FOCAD: variants seen among roughly 807,000 people sequenced by gnomAD.
The protein encoded by FOCAD is focadhesin.
Under a neutral mutation model 225.6 loss-of-function variants are expected in FOCAD, and 198 were observed. The ratio of observed to expected loss-of-function variants is 0.88; its 90% CI spans 0.78 to 0.99. The LOEUF (loss-of-function observed/expected upper bound fraction) is 0.99. Among genes scored for constraint, FOCAD ranks in the 50% least tolerant of loss-of-function variants. The pLI, the probability that FOCAD is intolerant of heterozygous loss-of-function variation, is 0.00. For synonymous variants in FOCAD, 897 were observed against 755.0 expected (o/e 1.19, Z -3.08); for missense variants, 2,713 against 2,123.6 (o/e 1.28, Z -5.46).
Position 20,765,607 on chromosome 9 carries a change from A to G in FOCAD, c.699+534A>G, listed in dbSNP as rs75744282. Among the ~76,000 whole-genome samples the G allele has an allele frequency of 1.0e-3, 155 of 152,322 alleles. 5 individuals are homozygous for G. The East Asian group carries it at 0.018, about 17-fold the overall frequency. On this transcript the variant is annotated intron_variant, in intron 7 of 43. Transcript: ENST00000338382. ...ACACATGTAGTAAATGAGTTAGGAC[A>G]AGTACTGTACATATATTCTTACAAT...
intron 24 of FOCAD, among the ~76,000 whole-genome samples, chr9:20,922,909 G>T (rs73648447): frequency 6.6e-6 from 1 of 152,068 alleles, no homozygotes; most frequent in African/African-American, 2.4e-5. Flanking sequence ...ACATTTTCAA[G>T]TGGTAAGTAT....
At chr9:20,784,765 A>G (rs1378975274) in intron 10 of FOCAD, among the ~76,000 whole-genome samples, 1 of 152,218 alleles carries the variant, frequency 6.6e-6, no homozygotes, top group Non-Finnish European at 1.5e-5. Context: ...TATAGTAAGC[A>G]GAATATTTGT....
chr9:20,910,910 G>A (rs1488001004), intron 22 of FOCAD, among the ~76,000 whole-genome samples: 1 of 152,086 alleles, frequency 6.6e-6, no homozygotes, highest in Non-Finnish European at 1.5e-5. Flanking sequence ...CAATAGAATG[G>A]TCGTGCTGAT....
intron 11 of FOCAD, among the ~76,000 whole-genome samples, chr9:20,812,488 C>G (rs887225233): frequency 6.6e-6 from 1 of 151,860 alleles, no homozygotes; most frequent in African/African-American, 2.4e-5. Flanking sequence ...TGAAGTGTTG[C>G]CAACGTGTAT....
chr9:20,715,790 A>G (rs1460539083), intron 2 of FOCAD, among the ~76,000 whole-genome samples: 2 of 152,148 alleles, frequency 1.3e-5, no homozygotes, highest in East Asian at 1.9e-4. Context: ...CCTACCCCTT[A>G]TATAGATTTT....
intron 11 of FOCAD, among the ~76,000 whole-genome samples, chr9:20,816,803 A>T (rs1220462145): frequency 6.6e-6 from 1 of 152,180 alleles, no homozygotes; most frequent in Non-Finnish European, 1.5e-5. Context: ...AAATAAAAAT[A>T]AGAATTTAGC....
At chr9:20,943,638 GGTAGAT>G (rs1232924855) in intron 28 of FOCAD, among the ~76,000 whole-genome samples, 3 of 152,164 alleles carry the variant, frequency 2.0e-5, no homozygotes, top group Middle Eastern at 3.4e-3. Context: ...TGACCAAGGG[GGTAGAT>G]GCTGTTTAAG....
At chr9:20,908,375 A>G (rs4288451) in intron 22 of FOCAD, among the ~76,000 whole-genome samples, 55,450 of 151,756 alleles carry the variant, frequency 0.37, 10,587 homozygotes, top group East Asian at 0.46. Context: ...ATCTCAAATT[A>G]AAACCTTTTT....
chr9:20,789,847 C>T (rs1303854094), intron 11 of FOCAD, among the ~76,000 whole-genome samples: 2 of 151,906 alleles, frequency 1.3e-5, no homozygotes, highest in East Asian at 3.9e-4. Context: ...GAAATCTGCA[C>T]ATGGTGCTAT....
chr9:20,919,116 T>C (rs1834140261), intron 24 of FOCAD, among the ~76,000 whole-genome samples: 1 of 152,094 alleles, frequency 6.6e-6, no homozygotes, highest in African/African-American at 2.4e-5. Context: ...TTCAGCAAAG[T>C]CTCAGGATAC....
intron 22 of FOCAD, among the ~76,000 whole-genome samples, chr9:20,910,236 G>A (rs777582361): frequency 3.9e-5 from 6 of 152,054 alleles, no homozygotes; most frequent in Non-Finnish European, 7.4e-5. Context: ...GTTAGGAGCC[G>A]TCTGCAGTCT....
intron 22 of FOCAD, among the ~76,000 whole-genome samples, chr9:20,909,076 A>G (rs1446766862): frequency 6.6e-6 from 1 of 152,100 alleles, no homozygotes; most frequent in African/African-American, 2.4e-5. Flanking sequence ...TTTAGCTCTT[A>G]GTGTAAGAAA....
Position 20,781,809 on chromosome 9 carries a change from A to C in FOCAD, c.1077A>C (p.Leu359=), listed in dbSNP as rs759470768. 4 of 1,614,092 alleles carry C rather than the reference A, an allele frequency of 2.5e-6. No homozygotes were observed. The South Asian group carries it at 4.4e-5, about 18-fold the overall frequency. ...TAGTGATGCCAATTCTGCAGATACT[A>C]TCTTCTACTGCCTTGGAAGACTGTA... ...LLLVMPILQI[L]SSTALEDCIS... is the part of the protein sequence containing the mutation. Residue 359 remains leucine (L), a synonymous_variant, in exon 10 of 44, where the codon CTA becomes CTC. Transcript: ENST00000338382.
At chr9:20,842,791 C>G (rs1450739723) in intron 15 of FOCAD, among the ~76,000 whole-genome samples, 2 of 151,842 alleles carry the variant, frequency 1.3e-5, no homozygotes, top group African/African-American at 4.8e-5. Context: ...GTGGTCTTCT[C>G]TACCATACAT....
intron 5 of FOCAD, among the ~76,000 whole-genome samples, chr9:20,751,700 A>G (rs1457810077): frequency 6.7e-6 from 1 of 148,946 alleles, no homozygotes; most frequent in Admixed American, 6.7e-5. Context: ...GTCAAATGGT[A>G]TTTCTAGTTC....
intron 5 of FOCAD, among the ~76,000 whole-genome samples, chr9:20,742,635 AAAG>A (rs1327584069): frequency 1.3e-5 from 2 of 152,220 alleles, no homozygotes; most frequent in East Asian, 1.9e-4. Context: ...ATGATGGTAA[AAAG>A]AAGTTTTCTA....
chr9:20,907,388 G>A (rs555283613), intron 22 of FOCAD, 146 bp downstream of exon 22: 11 of 709,990 alleles, frequency 1.5e-5, no homozygotes, highest in Non-Finnish European at 2.5e-5. Context: ...AAGAATGTGA[G>A]GCATATATAT....
chr9:20,734,526 CTTA>C (rs1826975943), intron 4 of FOCAD, among the ~76,000 whole-genome samples: 2 of 152,132 alleles, frequency 1.3e-5, no homozygotes, highest in African/African-American at 4.8e-5. Context: ...TGTTTGCAAC[CTTA>C]TTAACAGCTG....
chr9:20,913,103 T>A, intron 23 of FOCAD, 149 bp downstream of exon 23: 1 of 595,338 alleles, frequency 1.7e-6, no homozygotes, highest in Non-Finnish European at 3.0e-6. Context: ...ATAGGTGTAT[T>A]CCCTAGATAG....
Sources: gnomAD v4.1 joint callset for allele counts (sites outside exome capture counted in the v4.1 genomes callset) on GRCh38, gnomAD v4.1.1 for gene constraint, MANE v1.5 for transcripts, NCBI Gene and HGNC (gene_info 2026-07-23, HGNC 2026-07-21) for gene names.